The following DST variants were observed in gnomAD, a reference collection of about 807,000 sequenced individuals.
DST encodes dystonin, also known as bullous pemphigoid antigen.
In DST, 253 loss-of-function variants were observed where a neutral mutation model predicts 875.2. The observed-to-expected ratio is 0.29, with a 90% confidence interval of 0.26 to 0.32. DST has a LOEUF of 0.32. Among genes scored for constraint, DST ranks in the 10% least tolerant of loss-of-function variants. The pLI is 1.00. For synonymous variants in DST, 3,124 were observed against 3,197.1 expected (o/e 0.98, Z 0.77); for missense variants, 8,287 against 9,111.6 (o/e 0.91, Z 3.68).
At position 56,702,733 on chromosome 6, in the gene DST, G is replaced by A. The variant is rs1414802016; in HGVS notation, c.877-768C>T. 3.9e-5 allele frequency among the ~76,000 whole-genome samples: 6 copies of A among 152,210 alleles called. No individual in the cohort carries two copies. In the East Asian group the frequency reaches 7.7e-4, roughly 20 times the overall value. On this transcript the variant is annotated intron_variant, in intron 7 of 103. Coordinates refer to ENST00000680361, the MANE Select transcript of DST (RefSeq NM_001374736.1). ...GTTACAAGTTAGCATGAAGGAAACA[G>A]AGGAAACAGAGCTGAGAAATGCTTA... is the stretch of plus-strand genomic sequence containing the variant.
chr6:56,533,810 T>C (rs1316578836), intron 63 of DST, among the ~76,000 whole-genome samples: 1 of 152,174 alleles, frequency 6.6e-6, no homozygotes, highest in Non-Finnish European at 1.5e-5. Context: ...ATTGGTATAA[T>C]TTCCCAATAT....
Position 56,608,272 on chromosome 6 carries a change from A to G in DST, c.6356T>C (p.Ile2119Thr), listed in dbSNP as rs2152713774. The change falls in exon 40 of 104, where the codon ATT becomes ACT. Residue 2119 changes from isoleucine to threonine, a missense_variant. This residue lies in a region of DST where 3,138 missense variants were observed against 3,116.6 expected (regional missense o/e 1.01). Coordinates refer to ENST00000680361, the MANE Select transcript of DST (RefSeq NM_001374736.1). ...ALYIPESSQV[I>T]GLDAAKQLGI... The stretch of plus-strand genomic sequence containing the variant: ...TAGCTGTTTAGCAGCATCCAAACCA[A>G]TGACTTGAGAACTTTCTGGAATATA... 1 of 1,613,662 alleles carries G rather than the reference A, an allele frequency of 6.2e-7. No homozygotes were observed. The highest frequency in any genetic ancestry group is 2.2e-5 in the East Asian group (1 of 44,876).
At chr6:56,836,885 CAAAG>C (rs1562101347) in intron 4 of DST, among the ~76,000 whole-genome samples, 1 of 114,790 alleles carries the variant, frequency 8.7e-6, no homozygotes, top group Non-Finnish European at 2.2e-5. Flanking sequence ...AGAAAATAAA[CAAAG>C]AAAAAATTAA....
intron 10 of DST, among the ~76,000 whole-genome samples, chr6:56,669,466 T>C (rs567101125): frequency 7.3e-4 from 110 of 151,688 alleles, no homozygotes; most frequent in South Asian, 6.0e-3. Context: ...TGTGGTGGCA[T>C]ATGCCTGTAG....
intron 28 of DST, 79 bp from the exon 29 acceptor site, chr6:56,632,119 T>TC: frequency 3.7e-6 from 4 of 1,091,602 alleles, no homozygotes; most frequent in Non-Finnish European, 4.0e-6. Flanking sequence ...ATATGAGAAT[T>TC]TTATATTACT....
Position 56,569,955 on chromosome 6 carries a change from T to C in DST, c.13779A>G (p.Lys4593=). The C allele has an allele frequency of 6.2e-7, 1 of 1,609,130 alleles. No individual in the cohort carries two copies. Among genetic ancestry groups the C allele is most frequent in the Non-Finnish European group, 8.5e-7 (1 of 1,178,452 alleles). ...EQLDAFQVLV[K]SLKSWIKETT... ...TTTCTTTTATCCATGACTTCAATGA[T>C]TTAACAAGAACTTGGAAAGCATCCA... is the stretch of plus-strand genomic sequence containing the variant. The change falls in exon 54 of 104, where the codon AAA becomes AAG. Residue 4593 remains lysine (K), a synonymous_variant. Transcript: ENST00000680361.
intron 9 of DST, among the ~76,000 whole-genome samples, chr6:56,679,599 TAAAAAAAAAAA>T (rs1165137050): frequency 8.9e-6 from 1 of 111,864 alleles, no homozygotes; most frequent in African/African-American, 3.5e-5. Context: ...TATGTCTCAT[TAAAAAAAAAAA>T]AAAAAAAAAA....
intron 5 of DST, among the ~76,000 whole-genome samples, chr6:56,707,518 A>G (rs1563790586): frequency 6.6e-6 from 1 of 152,220 alleles, no homozygotes; most frequent in Non-Finnish European, 1.5e-5. Flanking sequence ...GAAGGACAGT[A>G]GAATCCAAGC....
chr6:56,640,015 C>T lies in DST; in HGVS notation c.2533G>A (p.Val845Ile), dbSNP rs755290315. Residue 845 changes from valine (V) to isoleucine (I), a missense_variant, in exon 19 of 104, where the codon GTT becomes ATT. By Grantham distance (29) the Val-to-Ile change is conservative. Around this residue, in one of 10 missense-constraint regions of DST, gnomAD observed 1,160 missense variants for 1,424.3 expected, o/e 0.81. Transcript: ENST00000680361. Reference sequence around the variant, plus strand: ...TTATGATTTTCTAAATGGCTTTCAACACTTGGCAAATCTGAGCCCCACTCA... The same window carrying T: ...TTATGATTTTCTAAATGGCTTTCAATACTTGGCAAATCTGAGCCCCACTCA... ...RTEWGSDLPS[V>I]ESHLENHKNV... 10 of 1,613,926 alleles carry T rather than the reference C, an allele frequency of 6.2e-6. No homozygotes were observed. The highest frequency in any genetic ancestry group is 8.5e-6 in the Non-Finnish European group (10 of 1,179,980).
intron 71 of DST, 145 bp downstream of exon 71, chr6:56,517,053 C>T (rs1583720918): frequency 1.5e-6 from 1 of 670,472 alleles, no homozygotes; most frequent in East Asian, 2.6e-5. Context: ...ATTCTATAAA[C>T]TTGAAAAATG....
In DST at chr6:56,603,574, CTA is replaced by C. The variant is rs2098466302; in HGVS notation, c.10929_10930del (p.Arg3644ThrfsTer6). The C allele has an allele frequency of 6.2e-7, 1 of 1,607,730 alleles. No homozygotes were observed. The highest frequency in any genetic ancestry group is 8.5e-7 in the Non-Finnish European group (1 of 1,177,814). ...GTAGACAATTCTTACCTCCAACTGT[CTA>C]AGTTGATTCTTCAAAGCTTCCAAGT... On this transcript the variant is annotated frameshift_variant, in exon 41 of 104. Coordinates refer to ENST00000680361, the MANE Select transcript of DST (RefSeq NM_001374736.1). LOFTEE classifies it high-confidence loss of function.
chr6:56,747,581 G>A (rs2099576359), intron 4 of DST, among the ~76,000 whole-genome samples: 1 of 152,086 alleles, frequency 6.6e-6, no homozygotes, highest in South Asian at 2.1e-4. Flanking sequence ...TCTAACTTCT[G>A]CTGATCTGAG....
At chr6:56,578,720 T>G in intron 50 of DST, 94 bp downstream of exon 50, 1 of 1,318,754 alleles carries the variant, frequency 7.6e-7, no homozygotes. Context: ...TAGAACACAA[T>G]CTATAACTAG....
intron 3 of DST, chr6:56,863,969 A>T (rs145834028): frequency 6.6e-6 from 1 of 152,352 alleles, no homozygotes; most frequent in African/African-American, 2.4e-5. Context: ...CAACTTGGCT[A>T]GGCCATGGTA....
At position 56,528,909 on chromosome 6, in the gene DST, A is replaced by C; in HGVS notation, c.17612T>G (p.Ile5871Ser). 6.3e-7 allele frequency: 1 copy of C among 1,584,290 alleles called. No individual in the cohort carries two copies. Among genetic ancestry groups the C allele is most frequent in the Non-Finnish European group, 8.6e-7 (1 of 1,162,992 alleles). The change falls in exon 67 of 104, where the codon ATC (isoleucine) becomes AGC (serine). Residue 5871 changes from isoleucine (I) to serine (S), a missense_variant. Ile to Ser is a moderately radical substitution (Grantham distance 142). Transcript: ENST00000680361. ...ATCTACATTTTGTTTCCTGAGTAAGATGTCCTCTTGCAGAACCTGAAAACA... is the reference window on the plus strand; with the variant it reads ...ATCTACATTTTGTTTCCTGAGTAAGCTGTCCTCTTGCAGAACCTGAAAACA... ...QSELRVLQED[I>S]LLRKQNVDQA...
At chr6:56,702,742 G>A (rs1223979358) in intron 7 of DST, among the ~76,000 whole-genome samples, 1 of 152,162 alleles carries the variant, frequency 6.6e-6, no homozygotes, top group Non-Finnish European at 1.5e-5. Flanking sequence ...AGAGGAAACA[G>A]AGCTGAGAAA....
At chr6:56,657,750 C>T (rs1000508843) in intron 10 of DST, among the ~76,000 whole-genome samples, 12 of 151,992 alleles carry the variant, frequency 7.9e-5, no homozygotes, top group African/African-American at 2.9e-4. Flanking sequence ...TGCACCTTAT[C>T]ACAATCTAAT....
At chr6:56,535,050 T>A in intron 63 of DST, 72 bp downstream of exon 63, 1 of 1,540,098 alleles carries the variant, frequency 6.5e-7, no homozygotes, top group Non-Finnish European at 8.9e-7. Context: ...ATTAAAAGAG[T>A]CACAATTTGC....
chr6:56,501,197 G>A lies in DST; in HGVS notation c.19779C>T (p.Phe6593=). The A allele has an allele frequency of 6.2e-7, 1 of 1,611,572 alleles. No individual in the cohort carries two copies. Among genetic ancestry groups the A allele is most frequent in the Non-Finnish European group, 8.5e-7 (1 of 1,178,836 alleles). The change falls in exon 80 of 104, where the codon TTC becomes TTT. Residue 6593 remains phenylalanine (F), a synonymous_variant. Transcript: ENST00000680361. ...LEGALLALGQ[F]QHALDELLAW... is the part of the protein sequence containing the mutation. ...CCAGGAGCTCATCCAGGGCATGTTGGAACTGACCCAAGGCTAATAGAGCAC... is the reference window on the plus strand; with the variant it reads ...CCAGGAGCTCATCCAGGGCATGTTGAAACTGACCCAAGGCTAATAGAGCAC...
Sources: allele counts gnomAD v4.1 joint callset (sites outside exome capture counted in the v4.1 genomes callset), GRCh38; gene constraint gnomAD v4.1.1; regional missense constraint gnomAD v4.1.1; transcripts MANE v1.5; gene names NCBI Gene and HGNC (gene_info 2026-07-23, HGNC 2026-07-21).